COL15A1: variants seen among roughly 807,000 people sequenced by gnomAD.
The protein encoded by COL15A1 is collagen alpha-1(XV) chain.
In COL15A1, 111 loss-of-function variants were observed where a neutral mutation model predicts 165.9. That is an observed-to-expected ratio of 0.67 (90% confidence interval 0.57 to 0.78). COL15A1 has a LOEUF of 0.78. COL15A1 is among the 30% of genes least tolerant of loss of function. COL15A1 has a pLI of 0.00. For missense variants in COL15A1, 1,745 were observed against 1,789.7 expected, an observed-to-expected ratio of 0.98 and a Z score of 0.45; for synonymous variants, 659 against 674.8, an observed-to-expected ratio of 0.98 and a Z score of 0.36.
intron 7 of COL15A1, among the ~76,000 whole-genome samples, chr9:99,001,310 T>A (rs1838650507): frequency 6.6e-6 from 1 of 152,162 alleles, no homozygotes; most frequent in Non-Finnish European, 1.5e-5. Flanking sequence ...TAACTGCAGG[T>A]GTGTTCATGC....
At chr9:98,962,526 A>G (rs924379233) in intron 2 of COL15A1, among the ~76,000 whole-genome samples, 11 of 152,234 alleles carry the variant, frequency 7.2e-5, no homozygotes, top group Admixed American at 5.9e-4. Context: ...TTATTAAAAC[A>G]AACACACACA....
chr9:99,033,482 T>G (rs11792253), intron 16 of COL15A1, among the ~76,000 whole-genome samples: 1 of 152,146 alleles, frequency 6.6e-6, no homozygotes, highest in African/African-American at 2.4e-5. Context: ...GGCCACATCA[T>G]GCACCTGACT....
At position 99,070,214 on chromosome 9, in the gene COL15A1, C is replaced by CCTG; in HGVS notation, c.*328_*329insCTG. ...ACTGCATCCTTCAGACAGTTATATC[C>CCTG]TCCTTTTAAACCATTGTTGTTGAGT... On this transcript the variant is annotated 3_prime_UTR_variant, in exon 42 of 42. Coordinates refer to ENST00000375001, the MANE Select transcript of COL15A1 (RefSeq NM_001855.5). 3.7e-6 allele frequency: 1 copy of CCTG among 268,930 alleles called. No homozygotes were observed. The highest frequency in any genetic ancestry group is 4.9e-5 in the South Asian group (1 of 20,276). The allele number at this position is 268,930 out of a possible 1,614,324, so 16.7% of individuals were successfully genotyped here. A position where few individuals can be genotyped will look rare whatever the true frequency, so the allele number is the denominator to read the frequency against.
intron 35 of COL15A1, 78 bp downstream of exon 35, chr9:99,056,482 C>T: frequency 6.7e-7 from 1 of 1,500,670 alleles, no homozygotes; most frequent in South Asian, 1.3e-5. Flanking sequence ...GGTGGCTTGT[C>T]ACAGCTGCAC....
chr9:99,055,457 A>G (rs1825708657), intron 34 of COL15A1, 85 bp downstream of exon 34: 1 of 804,566 alleles, frequency 1.2e-6, no homozygotes, highest in Non-Finnish European at 2.2e-6. Flanking sequence ...AGTTAGGGCT[A>G]GTCATTGTAC....
At chr9:99,012,219 G>A (rs964125647) in intron 9 of COL15A1, among the ~76,000 whole-genome samples, 1 of 152,022 alleles carries the variant, frequency 6.6e-6, no homozygotes, top group Non-Finnish European at 1.5e-5. Context: ...AAAGCATTTG[G>A]GTTTATCATT....
intron 30 of COL15A1, among the ~76,000 whole-genome samples, chr9:99,051,248 T>C (rs924949847): frequency 6.6e-6 from 1 of 152,172 alleles, no homozygotes; most frequent in Admixed American, 6.5e-5. Context: ...TAGAGTGCGG[T>C]AAAAATGCTA....
intron 26 of COL15A1, among the ~76,000 whole-genome samples, chr9:99,045,677 A>C (rs1049110800): frequency 3.3e-5 from 5 of 152,230 alleles, no homozygotes; most frequent in East Asian, 1.9e-4. Flanking sequence ...AGGCCCAAGG[A>C]GGTTAAGTAA....
At chr9:99,034,507 T>TATG in intron 16 of COL15A1, 42 bp from the exon 17 acceptor site, 5 of 1,569,816 alleles carry the variant, frequency 3.2e-6, no homozygotes, top group Non-Finnish European at 4.3e-6. Flanking sequence ...CCTCATGACA[T>TATG]ATGCATTAAT....
chr9:98,969,798 A>G (rs2118832870), intron 2 of COL15A1, among the ~76,000 whole-genome samples: 1 of 152,356 alleles, frequency 6.6e-6, no homozygotes, highest in South Asian at 2.1e-4. Flanking sequence ...CGCATCAGAC[A>G]GATGAGGGCT....
intron 2 of COL15A1, among the ~76,000 whole-genome samples, chr9:98,944,841 G>A (rs1343843105): frequency 1.3e-5 from 2 of 152,198 alleles, no homozygotes; most frequent in Non-Finnish European, 2.9e-5. Context: ...TCCGTTCCCC[G>A]GGCCTCAGTT....
At chr9:99,019,968 T>C (rs1262691089) in intron 11 of COL15A1, among the ~76,000 whole-genome samples, 1 of 152,170 alleles carries the variant, frequency 6.6e-6, no homozygotes, top group East Asian at 1.9e-4. Flanking sequence ...GAGCCAGAAG[T>C]TGATTAGCAA....
chr9:99,038,897 A>G (rs1434246341), intron 22 of COL15A1, among the ~76,000 whole-genome samples, 164 bp downstream of exon 22: 1 of 152,238 alleles, frequency 6.6e-6, no homozygotes, highest in Non-Finnish European at 1.5e-5. Context: ...TTGCTTTCAC[A>G]TTAATTTGAT....
At chr9:99,052,101 T>A (rs1182304635) in intron 30 of COL15A1, among the ~76,000 whole-genome samples, 4 of 152,234 alleles carry the variant, frequency 2.6e-5, no homozygotes. Context: ...CCACGATTTG[T>A]TGTCTTAAAG....
rs35373140 is a variant in COL15A1 at position 99,047,204 on chromosome 9, C to T, written c.2680-582C>T. ...TGCAACAGAACAGTGGTTCTAGAAGCCTGTGGTCCTGGAAAGCCAGCACTG... is the reference window on the plus strand; with the variant it reads ...TGCAACAGAACAGTGGTTCTAGAAGTCTGTGGTCCTGGAAAGCCAGCACTG... On this transcript the variant is annotated intron_variant, in intron 26 of 41. Coordinates refer to ENST00000375001, the MANE Select transcript of COL15A1 (RefSeq NM_001855.5). 2.5e-3 allele frequency among the ~76,000 whole-genome samples: 382 copies of T among 152,274 alleles called. 2 individuals carry two copies. The highest frequency in any genetic ancestry group is 3.1e-3 in the Non-Finnish European group (208 of 68,014).
chr9:98,955,395 G>A (rs143432353), intron 2 of COL15A1, among the ~76,000 whole-genome samples: 14 of 152,328 alleles, frequency 9.2e-5, no homozygotes, highest in African/African-American at 2.2e-4. Flanking sequence ...GCAGGAAGCC[G>A]TTTTTATTTA....
intron 30 of COL15A1, among the ~76,000 whole-genome samples, chr9:99,050,238 A>G (rs992808639): frequency 6.6e-6 from 1 of 152,262 alleles, no homozygotes; most frequent in African/African-American, 2.4e-5. Flanking sequence ...AAAACAATCC[A>G]TGCCAACCCA....
At position 98,987,362 on chromosome 9, in the gene COL15A1, G is replaced by A. The variant is rs147914103; in HGVS notation, c.717G>A (p.Glu239=). The A allele has an allele frequency of 2.5e-6, 4 of 1,610,500 alleles. No homozygotes were observed. Among genetic ancestry groups the A allele is most frequent in the African/African-American group, 1.3e-5 (1 of 74,620 alleles). Residue 239 remains glutamate, a synonymous_variant, in exon 4 of 42, where the codon GAG becomes GAA. Coordinates refer to ENST00000375001, the MANE Select transcript of COL15A1 (RefSeq NM_001855.5). ...RTPEELCDPE[E]SSASGETSGL... is the part of the protein sequence containing the mutation. ...CCGAGGAGCTGTGTGACCCTGAAGAGTCCTCGGTGAGCTCCCCTACTATCC... is the reference window on the plus strand; with the variant it reads ...CCGAGGAGCTGTGTGACCCTGAAGAATCCTCGGTGAGCTCCCCTACTATCC...
At chr9:98,958,957 A>G (rs1837821136) in intron 2 of COL15A1, among the ~76,000 whole-genome samples, 2 of 152,062 alleles carry the variant, frequency 1.3e-5, no homozygotes, top group South Asian at 4.1e-4. Flanking sequence ...GAGTGGTTCC[A>G]TTTGAGACTG....
Sources: gnomAD v4.1 joint callset for allele counts (sites outside exome capture counted in the v4.1 genomes callset) on GRCh38, gnomAD v4.1.1 for gene constraint, MANE v1.5 for transcripts, NCBI Gene and HGNC (gene_info 2026-07-23, HGNC 2026-07-21) for gene names.